Variants in SLC4A11 observed in about 807,000 individuals in gnomAD.
SLC4A11 encodes solute carrier family 4 member 11, also known as bicarbonate transporter related protein 1.
SLC4A11 carries 74 observed loss-of-function variants against 95.0 expected under a neutral mutation model. The ratio of observed to expected loss-of-function variants is 0.78; its 90% CI spans 0.65 to 0.95. SLC4A11 has a LOEUF of 0.95. SLC4A11 is among the 40% of genes least tolerant of loss of function. The pLI is 0.00. For synonymous variants in SLC4A11, 548 were observed against 519.0 expected, an observed-to-expected ratio of 1.06 and a Z score of -0.76; for missense variants, 1,081 against 1,192.4, an observed-to-expected ratio of 0.91 and a Z score of 1.38.
chr20:3,227,769 G>A lies in SLC4A11; in HGVS notation c.*18C>T, dbSNP rs558521949. The A allele has an allele frequency of 1.4e-5, 23 of 1,611,994 alleles. No individual in the cohort carries two copies. The highest frequency in any genetic ancestry group is 2.2e-5 in the East Asian group (1 of 44,868). On this transcript the variant is annotated 3_prime_UTR_variant, in exon 20 of 20. Transcript: ENST00000642402. ...GACGTGGAGGGCTGGCGAATGGGGC[G>A]TGGGCAGGGTCTGCCAGTCAAGGCC...
intron 13 of SLC4A11, among the ~76,000 whole-genome samples, 196 bp from the exon 14 acceptor site, chr20:3,229,972 G>A (rs566150133): frequency 6.6e-6 from 1 of 152,230 alleles, no homozygotes; most frequent in Admixed American, 6.5e-5. Flanking sequence ...CAGTGCCTCT[G>A]CCCCCACGGC....
chr20:3,239,550 G>A, upstream of SLC4A11: 2 of 988,224 alleles, frequency 2.0e-6, no homozygotes, highest in African/African-American at 1.7e-5. Flanking sequence ...GTGCGACTGA[G>A]GCAGACCCCG....
rs1269576254 is a variant in SLC4A11, at chr20:3,238,319, G to C, written c.44-731C>G. ...TGTCGGAGGAAGGAAGCGACAGGAGGGGCCGCGTGCACGAGAGGAAAGCGC... is the reference window on the plus strand; with the variant it reads ...TGTCGGAGGAAGGAAGCGACAGGAGCGGCCGCGTGCACGAGAGGAAAGCGC... On this transcript the variant is annotated intron_variant, in intron 1 of 19. Transcript: ENST00000642402. 4 of 985,374 alleles carry C rather than the reference G, an allele frequency of 4.1e-6. No individual in the cohort carries two copies. The African/African-American group carries it at 7.0e-5, about 17-fold the overall frequency. 61.0% of individuals were successfully genotyped at this position (985,374 alleles called of 1,614,324 possible).
chr20:3,234,532 G>A lies in SLC4A11; in HGVS notation c.291+36C>T. The A allele has an allele frequency of 6.2e-7, 1 of 1,613,396 alleles. No homozygotes were observed. Among genetic ancestry groups the A allele is most frequent in the South Asian group, 1.1e-5 (1 of 91,072 alleles). On this transcript the variant is annotated intron_variant, in intron 4 of 19. Coordinates refer to ENST00000642402, the MANE Select transcript of SLC4A11 (RefSeq NM_001174089.2). The surrounding 1 kb of genome is among the most constrained non-coding windows in gnomAD (Gnocchi z 5.8). ...AAGCCATCACCTCAGCCCCCAGGTAGAGGCCCCAGGACCACCTGCAGGACA... is the reference window on the plus strand; with the variant it reads ...AAGCCATCACCTCAGCCCCCAGGTAAAGGCCCCAGGACCACCTGCAGGACA...
rs1302764776 is a variant in SLC4A11, at chr20:3,234,876, G to A, written c.107C>T (p.Thr36Ile). ...CTCTCGGGCTTCGAAGGTGTCATCT[G>A]TGTCACACTTGTAGTAGCCTAGAGA... ...FEDSSYYKCDTDDTFEAREEI... is the reference protein window; with the variant it reads ...FEDSSYYKCDIDDTFEAREEI... Residue 36 changes from threonine to isoleucine, a missense_variant, in exon 3 of 20, where the codon ACA becomes ATA. Transcript: ENST00000642402. This position sits in a 1 kb window ranked among gnomAD's most constrained non-coding sequence, Gnocchi z 5.8. The A allele has an allele frequency of 2.5e-6, 4 of 1,613,986 alleles. No homozygotes were observed. Among genetic ancestry groups the A allele is most frequent in the African/African-American group, 1.3e-5 (1 of 75,054 alleles).
At chr20:3,228,484 C>G in intron 18 of SLC4A11, 28 bp downstream of exon 18, 2 of 1,612,944 alleles carry the variant, frequency 1.2e-6, no homozygotes, top group Non-Finnish European at 1.7e-6. Flanking sequence ...CCCACCCACG[C>G]CACTCCCTCG....
intron 1 of SLC4A11, chr20:3,237,876 C>T (rs543492597): frequency 2.5e-5 from 39 of 1,550,800 alleles, no homozygotes; most frequent in Non-Finnish European, 3.2e-5. Context: ...GTCTTCCCAC[C>T]GAGTTAGTAC....
At chr20:3,238,543 C>G (rs909185359) in intron 1 of SLC4A11, 6 of 993,540 alleles carry the variant, frequency 6.0e-6, no homozygotes, top group African/African-American at 3.5e-5. Flanking sequence ...AAGGGTCGTA[C>G]AAACCTGGGT....
Position 3,229,349 on chromosome 20 carries a change from C to A in SLC4A11, c.1846G>T (p.Glu616Ter). The A allele has an allele frequency of 6.2e-7, 1 of 1,613,244 alleles. No individual in the cohort carries two copies. The highest frequency in any genetic ancestry group is 8.5e-7 in the Non-Finnish European group (1 of 1,180,008). ...LISSHGFREI[E>*]MSKFRYNPSE... is the part of the protein sequence containing the mutation. ...CCACCGCCCGGCCCCAACTCACTCTCGATTTCCCGGAAGCCATGGGAGCTG... is the reference window on the plus strand; with the variant it reads ...CCACCGCCCGGCCCCAACTCACTCTAGATTTCCCGGAAGCCATGGGAGCTG... Residue 616 changes from glutamate (E) to a stop codon, truncating the protein, a stop_gained, in exon 15 of 20, where the codon GAG becomes TAG. Transcript: ENST00000642402. LOFTEE classifies it high-confidence loss of function.
intron 2 of SLC4A11, among the ~76,000 whole-genome samples, chr20:3,236,413 T>C (rs973286329): frequency 2.0e-5 from 3 of 152,134 alleles, no homozygotes; most frequent in East Asian, 1.9e-4. Context: ...GGTGAAACCC[T>C]GTCTCTACTA....
intron 1 of SLC4A11, 69 bp downstream of exon 1, chr20:3,239,026 T>G: frequency 6.9e-7 from 1 of 1,445,232 alleles, no homozygotes; most frequent in Non-Finnish European, 9.1e-7. Context: ...CTCCCCGGGG[T>G]CCCCGACGGG....
chr20:3,233,950 CA>C lies in SLC4A11; in HGVS notation c.575del (p.Val192GlyfsTer14), dbSNP rs2067871973. On this transcript the variant is annotated frameshift_variant, in exon 6 of 20. Coordinates refer to ENST00000642402, the MANE Select transcript of SLC4A11 (RefSeq NM_001174089.2). LOFTEE classifies it high-confidence loss of function. ...IQGVTATVTG[V>X]RYQQSWLCII... ...TGCAGAGCCACGACTGCTGGTACCG[CA>C]CCCCTGTCACTGTGGCGGTGACCCC... 6.2e-7 allele frequency: 1 copy of C among 1,613,500 alleles called. No individual in the cohort carries two copies. Among genetic ancestry groups the C allele is most frequent in the African/African-American group, 1.3e-5 (1 of 74,890 alleles).
At position 3,237,877 on chromosome 20, in the gene SLC4A11, G is replaced by A. The variant is rs757665841; in HGVS notation, c.44-289C>T. The A allele has an allele frequency of 1.4e-5, 21 of 1,550,920 alleles. No individual in the cohort carries two copies. The African/African-American group carries it at 2.3e-4, about 17-fold the overall frequency. On this transcript the variant is annotated intron_variant, in intron 1 of 19. Coordinates refer to ENST00000642402, the MANE Select transcript of SLC4A11 (RefSeq NM_001174089.2). Reference sequence around the variant, plus strand: ...GACGTTCCAGGGATGTCTTCCCACCGAGTTAGTACCAGTACCATGTTCGCT... The same window carrying A: ...GACGTTCCAGGGATGTCTTCCCACCAAGTTAGTACCAGTACCATGTTCGCT...
chr20:3,239,130 G>A lies in SLC4A11; in HGVS notation c.8C>T (p.Ala3Val). The A allele has an allele frequency of 6.8e-7, 1 of 1,475,874 alleles. No individual in the cohort carries two copies. The highest frequency in any genetic ancestry group is 8.9e-7 in the Non-Finnish European group (1 of 1,117,984). The allele number at this position is 1,475,874 out of a possible 1,614,324, so 91.4% of individuals were successfully genotyped here. ...CAGATGGAACACGCGCCTGGTGGCC[G>A]CGGCCATGGCACACTCGCGCACTCA... MA[A>V]ATRRVFHLQP... Residue 3 changes from alanine (A) to valine (V), a missense_variant, in exon 1 of 20, where the codon GCG becomes GTG. Transcript: ENST00000642402.
rs746664141 is a variant in SLC4A11, at chr20:3,229,288, T to C, written c.1850-25A>G. 5.6e-6 allele frequency: 9 copies of C among 1,612,810 alleles called. No homozygotes were observed. In the South Asian group the frequency reaches 6.6e-5, roughly 12 times the overall value. Reference sequence around the variant, plus strand: ...ACTGCAGTAGGGGACAGGCTACTGCTATGCCTGCAGCGCCTGGGGAGCTAC... The same window carrying C: ...ACTGCAGTAGGGGACAGGCTACTGCCATGCCTGCAGCGCCTGGGGAGCTAC... On this transcript the variant is annotated intron_variant, in intron 15 of 19. Transcript: ENST00000642402.
At chr20:3,228,223 C>T in intron 19 of SLC4A11, 36 bp downstream of exon 19, 1 of 1,518,454 alleles carries the variant, frequency 6.6e-7, no homozygotes, top group East Asian at 2.7e-5. Flanking sequence ...CACACCTAGA[C>T]TGGGCCCCTC....
chr20:3,238,253 C>G (rs544318376), intron 1 of SLC4A11: 1 of 1,328,054 alleles, frequency 7.5e-7, no homozygotes, highest in African/African-American at 1.5e-5. Flanking sequence ...TGCGCCCTCC[C>G]TGGGCCGGTC....
At position 3,229,409 on chromosome 20, in the gene SLC4A11, C is replaced by A. The variant is rs373510981; in HGVS notation, c.1786G>T (p.Ala596Ser). The change falls in exon 15 of 20, where the codon GCC (alanine) becomes TCC (serine). Residue 596 changes from alanine to serine, a missense_variant. Physicochemically the swap from Ala to Ser is moderately conservative, Grantham distance 99. Around this residue, in one of 3 missense-constraint regions of SLC4A11, gnomAD observed 767 missense variants for 858.0 expected, o/e 0.89. Coordinates refer to ENST00000642402, the MANE Select transcript of SLC4A11 (RefSeq NM_001174089.2). ...AAGGCGAGCACCGCGATGGGCAGGG[C>A]GCAGTCGGACAGGATCTCTCGCACG... ...PCVREILSDC[A>S]LPIAVLAFSL... The A allele has an allele frequency of 2.5e-6, 4 of 1,613,298 alleles. No homozygotes were observed. Among genetic ancestry groups the A allele is most frequent in the Admixed American group, 1.7e-5 (1 of 60,032 alleles).
At chr20:3,230,905 C>T (rs1193131970) in intron 10 of SLC4A11, 28 bp downstream of exon 10, 1 of 1,613,352 alleles carries the variant, frequency 6.2e-7, no homozygotes, top group Non-Finnish European at 8.5e-7. Context: ...AGCATACCCC[C>T]ACCCACCGCC....
Sources: allele counts gnomAD v4.1 joint callset (sites outside exome capture counted in the v4.1 genomes callset), GRCh38; gene constraint gnomAD v4.1.1; regional missense constraint gnomAD v4.1.1; non-coding constraint Gnocchi (gnomAD v3.1); transcripts MANE v1.5; gene names NCBI Gene and HGNC (gene_info 2026-07-23, HGNC 2026-07-21).